Variants in CD109 observed in about 807,000 individuals in gnomAD.
CD109 encodes the protein CD109 antigen.
Under a neutral mutation model 165.8 loss-of-function variants are expected in CD109, and 149 were observed. The observed-to-expected ratio is 0.90, with a 90% CI of 0.79 to 1.03. The LOEUF is 1.03. Ranked by LOEUF, CD109 falls within the 50% of genes least tolerant of loss-of-function variation. The pLI is 0.00. For missense variants in CD109, 1,712 were observed against 1,677.8 expected (o/e 1.02, Z -0.36); for synonymous variants, 585 against 592.1 (o/e 0.99, Z 0.18).
intron 18 of CD109, among the ~76,000 whole-genome samples, chr6:73,782,978 CTTT>C (rs77280841): frequency 1.2e-4 from 16 of 138,984 alleles, no homozygotes; most frequent in Admixed American, 2.2e-4. Context: ...GAAGATAGGC[CTTT>C]TTTTTTTTTT....
intron 23 of CD109, among the ~76,000 whole-genome samples, chr6:73,793,430 G>A (rs1294116254): frequency 6.6e-6 from 1 of 152,222 alleles, no homozygotes; most frequent in Non-Finnish European, 1.5e-5. Context: ...AACATGAGTT[G>A]AGTGTGCACT....
At chr6:73,680,887 T>G in the CD109 span, among the ~76,000 whole-genome samples, 2 of 152,138 alleles carry the variant, frequency 1.3e-5, no homozygotes, top group Non-Finnish European at 2.9e-5. Context: ...TCCCTTGAGG[T>G]GTTGTCTCCA....
At chr6:73,747,161 T>C (rs6921569) in intron 5 of CD109, among the ~76,000 whole-genome samples, 10,820 of 152,306 alleles carry the variant, frequency 0.071, 528 homozygotes, top group African/African-American at 0.13. Flanking sequence ...AAACTTGCAG[T>C]GTTGACAGTC....
rs1776216460 is a variant in CD109 at position 73,824,616 on chromosome 6, AGGG to A, written c.*984_*986del. 1 of 152,208 alleles carries A rather than the reference AGGG, an allele frequency of 6.6e-6. No homozygotes were observed. Among genetic ancestry groups the A allele is most frequent in the South Asian group, 2.1e-4 (1 of 4,826 alleles). The allele number at this position is 152,208 out of a possible 1,614,324, so 9.4% of individuals were successfully genotyped here. On this transcript the variant is annotated 3_prime_UTR_variant, in exon 33 of 33. Coordinates refer to ENST00000287097, the MANE Select transcript of CD109 (RefSeq NM_133493.5). Reference sequence around the variant, plus strand: ...GACCTAAAGATCCCTGGCATTGGCCAGGGATCCTGTGGAACCTCTTCTAGTTCA... The same window carrying A: ...GACCTAAAGATCCCTGGCATTGGCCAATCCTGTGGAACCTCTTCTAGTTCA...
chr6:73,785,958 C>T (rs577579652), intron 20 of CD109, among the ~76,000 whole-genome samples: 108 of 152,006 alleles, frequency 7.1e-4, no homozygotes, highest in African/African-American at 2.5e-3. Context: ...GATTCTCCTG[C>T]CTCAGCCTCC....
upstream of CD109, chr6:73,695,303 G>A (rs1770778158): frequency 6.6e-6 from 1 of 152,274 alleles, no homozygotes; most frequent in South Asian, 2.1e-4. Flanking sequence ...CAGGAGAGAG[G>A]AGCTGCAAAG....
intron 4 of CD109, among the ~76,000 whole-genome samples, chr6:73,733,499 C>T (rs72955214): frequency 0.092 from 13,989 of 152,238 alleles, 843 homozygotes; most frequent in Non-Finnish European, 0.12. Flanking sequence ...GTAGAAAAAA[C>T]ATAACCTATG....
intron 22 of CD109, 84 bp from the exon 23 acceptor site, chr6:73,792,542 T>C: frequency 1.7e-6 from 2 of 1,155,902 alleles, no homozygotes; most frequent in South Asian, 2.6e-5. Context: ...AGAGGTCTTC[T>C]GTACTCAGTG....
At chr6:73,738,834 C>CAT (rs1772643352) in intron 5 of CD109, among the ~76,000 whole-genome samples, 1 of 152,198 alleles carries the variant, frequency 6.6e-6, no homozygotes, top group Admixed American at 6.5e-5. Flanking sequence ...TCATGCTGTT[C>CAT]CCTCTGCTGA....
intron 4 of CD109, among the ~76,000 whole-genome samples, chr6:73,736,016 G>T (rs1005509894): frequency 6.6e-6 from 1 of 152,170 alleles, no homozygotes; most frequent in East Asian, 1.9e-4. Context: ...GAATTAAAAG[G>T]TGGAGCAGAA....
At chr6:73,708,781 G>A (rs913119944) in intron 2 of CD109, among the ~76,000 whole-genome samples, 7 of 152,128 alleles carry the variant, frequency 4.6e-5, no homozygotes, top group Non-Finnish European at 2.9e-5. Flanking sequence ...GTGTTTTTTG[G>A]CTGCACAAAT....
At position 73,815,090 on chromosome 6, in the gene CD109, A is replaced by T; in HGVS notation, c.3878A>T (p.Asp1293Val). The stretch of plus-strand genomic sequence containing the variant: ...GTTGCTGTAAAAGAAAATAAAGATG[A>T]TCTCAATCATGTGGATTTGAATGTG... ...LDVAVKENKD[D>V]LNHVDLNVCT... Residue 1293 changes from aspartate (D) to valine (V), a missense_variant, in exon 30 of 33, where the codon GAT becomes GTT. By Grantham distance (152) the Asp-to-Val change is radical. Coordinates refer to ENST00000287097, the MANE Select transcript of CD109 (RefSeq NM_133493.5). The T allele has an allele frequency of 6.3e-7, 1 of 1,587,946 alleles. No homozygotes were observed. Among genetic ancestry groups the T allele is most frequent in the Non-Finnish European group, 8.5e-7 (1 of 1,171,840 alleles).
chr6:73,823,793 T>A lies in CD109; in HGVS notation c.*160T>A. 1 of 508,642 alleles carries A rather than the reference T, an allele frequency of 2.0e-6. No homozygotes were observed. The highest frequency in any genetic ancestry group is 3.4e-6 in the Non-Finnish European group (1 of 290,640). The allele number at this position is 508,642 out of a possible 1,614,324, so 31.5% of individuals were successfully genotyped here. ...TACAACAGGTCCTAGCATGTATAGC[T>A]GCATAGATTTCTTCACCTGATCTTT... On this transcript the variant is annotated 3_prime_UTR_variant, in exon 33 of 33. Transcript: ENST00000287097.
In CD109 at chr6:73,720,173, C is replaced by CA. The variant is rs541620761; in HGVS notation, c.248-3070dup. Among the ~76,000 whole-genome samples the CA allele has an allele frequency of 1.1e-4, 17 of 150,800 alleles. No individual in the cohort carries two copies. The South Asian group carries it at 1.7e-3, about 15-fold the overall frequency. ...AACACTATTCAGCCATTTTTTTTAA[C>CA]AAAAAAAATGTAAAAAGAAGGAGGT... On this transcript the variant is annotated intron_variant, in intron 2 of 32. Coordinates refer to ENST00000287097, the MANE Select transcript of CD109 (RefSeq NM_133493.5).
intron 17 of CD109, among the ~76,000 whole-genome samples, chr6:73,781,613 T>A (rs1336162625): frequency 6.6e-6 from 1 of 152,214 alleles, no homozygotes; most frequent in African/African-American, 2.4e-5. Flanking sequence ...TTCTTCTGAT[T>A]TGTATCACAA....
chr6:73,796,474 C>A (rs569867516), intron 23 of CD109, among the ~76,000 whole-genome samples: 8 of 152,290 alleles, frequency 5.3e-5, no homozygotes, highest in African/African-American at 1.4e-4. Flanking sequence ...TCCCTGACCA[C>A]TTAGTAACTC....
At chr6:73,725,942 A>T (rs187008128) in intron 3 of CD109, among the ~76,000 whole-genome samples, 3 of 152,212 alleles carry the variant, frequency 2.0e-5, no homozygotes, top group Admixed American at 2.0e-4. Flanking sequence ...ATTAGAGATT[A>T]TATTTTGGAG....
chr6:73,699,581 T>A (rs1015800401), intron 2 of CD109, among the ~76,000 whole-genome samples: 2 of 152,050 alleles, frequency 1.3e-5, no homozygotes, highest in Non-Finnish European at 1.5e-5. Flanking sequence ...TACATTGGGG[T>A]GCATGTTGTT....
chr6:73,762,330 T>C, intron 7 of CD109, 54 bp from the exon 8 acceptor site: 1 of 1,083,928 alleles, frequency 9.2e-7, no homozygotes, highest in Non-Finnish European at 1.4e-6. Flanking sequence ...ATTTTTATTG[T>C]GTTCTGACAA....
Sources: gnomAD v4.1 joint callset for allele counts (sites outside exome capture counted in the v4.1 genomes callset) on GRCh38, gnomAD v4.1.1 for gene constraint, MANE v1.5 for transcripts, NCBI Gene and HGNC (gene_info 2026-07-23, HGNC 2026-07-21) for gene names.